Variants in RUBCNL observed in about 807,000 individuals in gnomAD.
RUBCNL encodes rubicon like autophagy enhancer, also known as protein associated with UVRAG as autophagy enhancer.
Under a neutral mutation model 69.5 loss-of-function variants are expected in RUBCNL, and 62 were observed. That is an observed-to-expected ratio of 0.89 (90% confidence interval 0.73 to 1.10). The LOEUF is 1.10. Ranked by LOEUF, RUBCNL falls within the 50% of genes least tolerant of loss-of-function variation. The pLI, the probability that RUBCNL is intolerant of heterozygous loss-of-function variation, is 0.00. For missense variants in RUBCNL, 768 were observed against 798.1 expected, an observed-to-expected ratio of 0.96 and a Z score of 0.45; for synonymous variants, 291 against 303.6, an observed-to-expected ratio of 0.96 and a Z score of 0.43.
rs563147933 is a variant in RUBCNL, at chr13:46,352,699, G to C, written c.1331-2348C>G. On this transcript the variant is annotated intron_variant, in intron 10 of 14. Transcript: ENST00000429979. ...CATGCTTGTAATCCCTGCTACTTGG[G>C]AGGCTGAGGCAGGAGAATTGCTTGA... is the stretch of plus-strand genomic sequence containing the variant. 2.0e-5 allele frequency among the ~76,000 whole-genome samples: 3 copies of C among 152,314 alleles called. No individual in the cohort carries two copies. In the East Asian group the frequency reaches 5.8e-4, roughly 29 times the overall value.
chr13:46,361,114 A>G (rs1233751214), intron 8 of RUBCNL, among the ~76,000 whole-genome samples: 2 of 152,214 alleles, frequency 1.3e-5, no homozygotes, highest in Non-Finnish European at 2.9e-5. Context: ...AGTCCCAGCT[A>G]CTTGGGAGGC....
At chr13:46,362,949 T>TATATAG (rs1236978527) in intron 6 of RUBCNL, among the ~76,000 whole-genome samples, 166 bp downstream of exon 6, 1 of 63,500 alleles carries the variant, frequency 1.6e-5, no homozygotes. Flanking sequence ...GATATATATA[T>TATATAG]ATATATATAT....
At chr13:46,351,718 T>C (rs1566067822) in intron 10 of RUBCNL, among the ~76,000 whole-genome samples, 2 of 151,940 alleles carry the variant, frequency 1.3e-5, no homozygotes, top group African/African-American at 2.4e-5. Context: ...TTTAAGAACA[T>C]ATATATAAAC....
Position 46,350,239 on chromosome 13 carries a change from G to A in RUBCNL, c.1443C>T (p.Phe481=). The change falls in exon 11 of 15, where the codon TTC becomes TTT. Residue 481 remains phenylalanine, a synonymous_variant. Coordinates refer to ENST00000429979, the MANE Select transcript of RUBCNL (RefSeq NM_025113.5). ...AGAAATTGCTGACGTAGTACTTCTT[G>A]AAGTCCCACATCATCAGGATTCGGG... ...IPARILMMWD[F]KKYYVSNFSK... The A allele has an allele frequency of 6.3e-7, 1 of 1,592,580 alleles. No homozygotes were observed. Among genetic ancestry groups the A allele is most frequent in the Non-Finnish European group, 8.6e-7 (1 of 1,169,234 alleles).
chr13:46,365,486 A>G (rs1343626250), intron 5 of RUBCNL, among the ~76,000 whole-genome samples: 1 of 152,182 alleles, frequency 6.6e-6, no homozygotes, highest in Non-Finnish European at 1.5e-5. Flanking sequence ...ATTCTGGAGC[A>G]CAACCTGTGT....
chr13:46,385,328 G>A lies in RUBCNL; in HGVS notation c.-239+1806C>T. 3.4e-6 allele frequency: 3 copies of A among 888,828 alleles called. No individual in the cohort carries two copies. In the South Asian group the frequency reaches 1.6e-4, roughly 46 times the overall value. The allele number at this position is 888,828 out of a possible 1,614,324, so 55.1% of individuals were successfully genotyped here. A position where few individuals can be genotyped will look rare whatever the true frequency, so the allele number is the denominator to read the frequency against. ...TAATTAAAAAGAAAAAACAATCAGA[G>A]ATCTAATTGGGTATCAGGAAGATAC... On this transcript the variant is annotated intron_variant, in intron 1 of 14. Coordinates refer to ENST00000429979, the MANE Select transcript of RUBCNL (RefSeq NM_025113.5).
intron 9 of RUBCNL, among the ~76,000 whole-genome samples, chr13:46,356,892 CTTT>C (rs767789330): frequency 2.2e-5 from 3 of 135,038 alleles, no homozygotes. Flanking sequence ...GCTTTATTTA[CTTT>C]TTTTTTTTTT....
intron 10 of RUBCNL, chr13:46,354,820 C>G (rs1208949316): frequency 6.6e-6 from 3 of 456,630 alleles, no homozygotes; most frequent in Admixed American, 4.7e-5. Flanking sequence ...GAGGGCAAGG[C>G]CACTGTACAA....
Position 46,335,251 on chromosome 13 carries a change from GTTGTTGTTGTTT to G in RUBCNL, c.*8122_*8133del, listed in dbSNP as rs2048097089. Reference sequence around the variant, plus strand: ...AGCTAATTTGTGTCTTTTTGTTGTTGTTGTTGTTGTTTTTTTTTTTTTTTTTTTTTTTTTAAG... The same window carrying G: ...AGCTAATTTGTGTCTTTTTGTTGTTGTTTTTTTTTTTTTTTTTTTTTTAAG... On this transcript the variant is annotated 3_prime_UTR_variant, in exon 15 of 15. Transcript: ENST00000429979. Among the ~76,000 whole-genome samples, 5 of 103,368 alleles carry G rather than the reference GTTGTTGTTGTTT, an allele frequency of 4.8e-5. No homozygotes were observed. The highest frequency in any genetic ancestry group is 2.0e-4 in the African/African-American group (5 of 24,960). 67.8% of individuals were successfully genotyped at this position (103,368 alleles called of 152,430 possible).
intron 10 of RUBCNL, among the ~76,000 whole-genome samples, chr13:46,354,611 A>G (rs2048442898): frequency 6.6e-6 from 1 of 152,166 alleles, no homozygotes; most frequent in Admixed American, 6.5e-5. Flanking sequence ...CCCTTTGCAC[A>G]TGACGAACAC....
At chr13:46,356,889 T>G (rs891554813) in intron 9 of RUBCNL, among the ~76,000 whole-genome samples, 4 of 150,532 alleles carry the variant, frequency 2.7e-5, no homozygotes, top group Non-Finnish European at 4.4e-5. Flanking sequence ...TTGGCTTTAT[T>G]TACTTTTTTT....
chr13:46,380,103 C>G (rs1298086421), intron 1 of RUBCNL, among the ~76,000 whole-genome samples: 3 of 152,200 alleles, frequency 2.0e-5, no homozygotes, highest in African/African-American at 7.2e-5. Flanking sequence ...GGACTCCACT[C>G]CAGCTGATTT....
chr13:46,366,799 C>T (rs539774375), intron 5 of RUBCNL, among the ~76,000 whole-genome samples: 15 of 152,240 alleles, frequency 9.9e-5, no homozygotes, highest in African/African-American at 3.1e-4. Context: ...GTTAACTACA[C>T]CCACCTTTAT....
At chr13:46,387,068 C>CCTTT (rs2049265340) in intron 1 of RUBCNL, 66 bp downstream of exon 1, 1 of 984,106 alleles carries the variant, frequency 1.0e-6, no homozygotes, top group Admixed American at 6.1e-5. Context: ...CCCTCCCTTC[C>CCTTT]CTTTCTCCAA....
chr13:46,345,727 A>ACG, intron 12 of RUBCNL, 127 bp from the exon 13 acceptor site: 1 of 919,194 alleles, frequency 1.1e-6, no homozygotes, highest in South Asian at 1.9e-5. Context: ...AAAAATAAAT[A>ACG]GCTCCAAGAA....
intron 13 of RUBCNL, among the ~76,000 whole-genome samples, chr13:46,345,055 A>C (rs1221406446): frequency 6.6e-6 from 1 of 152,248 alleles, no homozygotes; most frequent in Non-Finnish European, 1.5e-5. Flanking sequence ...TACCAGAGTA[A>C]GGTCCTAATT....
chr13:46,338,070 C>G lies in RUBCNL; in HGVS notation c.*5315G>C, dbSNP rs1230578360. Among the ~76,000 whole-genome samples, 1 of 152,096 alleles carries G rather than the reference C, an allele frequency of 6.6e-6. No individual in the cohort carries two copies. ...GTAAGGAGAAGGGAGCATGTGTGTGCACGTGCAGTACGCTGAAGAATGGGC... is the reference window on the plus strand; with the variant it reads ...GTAAGGAGAAGGGAGCATGTGTGTGGACGTGCAGTACGCTGAAGAATGGGC... On this transcript the variant is annotated 3_prime_UTR_variant, in exon 15 of 15. Coordinates refer to ENST00000429979, the MANE Select transcript of RUBCNL (RefSeq NM_025113.5).
Position 46,338,418 on chromosome 13 carries a change from C to T in RUBCNL, c.*4967G>A, listed in dbSNP as rs2048118092. ...CCCCTTGGCTGCCTCTTGGTCTTAG[C>T]AGCGCAGTTCACTTTCAGGAGGCTG... is the stretch of plus-strand genomic sequence containing the variant. On this transcript the variant is annotated 3_prime_UTR_variant, in exon 15 of 15. Transcript: ENST00000429979. Among the ~76,000 whole-genome samples the T allele has an allele frequency of 6.6e-6, 1 of 152,092 alleles. No homozygotes were observed.
intron 2 of RUBCNL, 141 bp from the exon 3 acceptor site, chr13:46,372,738 A>G (rs2048906504): frequency 6.9e-6 from 4 of 575,900 alleles, no homozygotes; most frequent in African/African-American, 1.8e-5. Context: ...GCTTGGATTT[A>G]TAAGTGAAAA....
Sources: allele counts gnomAD v4.1 joint callset (sites outside exome capture counted in the v4.1 genomes callset), GRCh38; gene constraint gnomAD v4.1.1; transcripts MANE v1.5; gene names NCBI Gene and HGNC (gene_info 2026-07-23, HGNC 2026-07-21).